The following CAMK1D variants were observed in gnomAD, a reference collection of about 807,000 sequenced individuals.
The protein encoded by CAMK1D is calcium/calmodulin-dependent protein kinase type 1D.
Under a neutral mutation model 47.7 loss-of-function variants are expected in CAMK1D, and 9 were observed. The ratio of observed to expected loss-of-function variants is 0.19; its 90% CI spans 0.11 to 0.33. The LOEUF (loss-of-function observed/expected upper bound fraction) is 0.33. Ranked by LOEUF, CAMK1D falls within the 10% of genes least tolerant of loss-of-function variation. The pLI is 1.00. For missense variants in CAMK1D, 291 were observed against 488.7 expected (o/e 0.60, Z 3.81); for synonymous variants, 184 against 184.9 (o/e 0.99, Z 0.04).
chr10:12,435,221 C>CAAAAAAAAAA (rs910066372), intron 1 of CAMK1D, among the ~76,000 whole-genome samples: 4 of 44,028 alleles, frequency 9.1e-5, no homozygotes, highest in Non-Finnish European at 1.6e-4. Flanking sequence ...AACTCTGTCT[C>CAAAAAAAAAA]AAAAAAAAAA....
intron 1 of CAMK1D, among the ~76,000 whole-genome samples, chr10:12,478,806 C>T (rs140426993): frequency 2.8e-4 from 43 of 152,206 alleles, no homozygotes; most frequent in East Asian, 5.8e-4. Context: ...TCCTTTAAAC[C>T]GCTTCCCTGT....
At chr10:12,724,216 T>C (rs1834518821) in intron 3 of CAMK1D, among the ~76,000 whole-genome samples, 1 of 152,242 alleles carries the variant, frequency 6.6e-6, no homozygotes, top group Admixed American at 6.5e-5. Context: ...TCTCAAACTT[T>C]GACCTCAAGT....
At chr10:12,750,204 G>A (rs373751897) in intron 3 of CAMK1D, among the ~76,000 whole-genome samples, 2 of 152,272 alleles carry the variant, frequency 1.3e-5, no homozygotes, top group South Asian at 2.1e-4. Context: ...GAGTATGTGT[G>A]TTTTGATTAC....
chr10:12,675,117 T>TAAC (rs1840765180), intron 3 of CAMK1D, among the ~76,000 whole-genome samples: 1 of 151,644 alleles, frequency 6.6e-6, no homozygotes, highest in African/African-American at 2.4e-5. Context: ...TTTACAAGTG[T>TAAC]AACAACTTAG....
intron 1 of CAMK1D, among the ~76,000 whole-genome samples, chr10:12,392,792 C>T (rs1297296634): frequency 6.6e-6 from 1 of 152,088 alleles, no homozygotes; most frequent in African/African-American, 2.4e-5. Context: ...ACAAAAGTCT[C>T]CCCAACCCCC....
chr10:12,711,818 A>G (rs1017125242), intron 3 of CAMK1D, among the ~76,000 whole-genome samples: 1 of 152,242 alleles, frequency 6.6e-6, no homozygotes, highest in African/African-American at 2.4e-5. Context: ...GGCAACATTG[A>G]CAGCAGTGAT....
intron 6 of CAMK1D, among the ~76,000 whole-genome samples, chr10:12,812,626 G>GA (rs923224917): frequency 4.6e-4 from 70 of 151,084 alleles, no homozygotes; most frequent in Admixed American, 8.6e-4. Context: ...AAGAAAGAAA[G>GA]AAAAAAAAAG....
chr10:12,377,107 C>G lies in CAMK1D; in HGVS notation c.92+27197C>G, dbSNP rs376722965. On this transcript the variant is annotated intron_variant, in intron 1 of 10. Coordinates refer to ENST00000619168, the MANE Select transcript of CAMK1D (RefSeq NM_153498.4). ...ACATTTTGTTATTGCATGGCTATTT[C>G]TCTCCTGGCAAATGAAGATAATAAT... is the stretch of plus-strand genomic sequence containing the variant. 3.4e-4 allele frequency among the ~76,000 whole-genome samples: 51 copies of G among 152,174 alleles called. No individual in the cohort carries two copies. The East Asian group carries it at 4.2e-3, about 13-fold the overall frequency.
intron 2 of CAMK1D, among the ~76,000 whole-genome samples, chr10:12,630,180 C>G (rs976323946): frequency 2.4e-4 from 37 of 152,114 alleles, no homozygotes; most frequent in Admixed American, 2.2e-3. Context: ...CTGCTTATAA[C>G]CTGGTTACTT....
intron 1 of CAMK1D, among the ~76,000 whole-genome samples, chr10:12,383,909 T>TA (rs1296168039): frequency 1.3e-5 from 2 of 152,140 alleles, no homozygotes; most frequent in African/African-American, 4.8e-5. Context: ...AAGGAAGAAG[T>TA]AAAACGATCT....
chr10:12,532,685 G>T (rs1427972415), intron 1 of CAMK1D, among the ~76,000 whole-genome samples: 1 of 152,190 alleles, frequency 6.6e-6, no homozygotes, highest in East Asian at 1.9e-4. Context: ...AGATTTGGAA[G>T]TAACTTAAGT....
At chr10:12,529,622 C>T (rs1835740150) in intron 1 of CAMK1D, among the ~76,000 whole-genome samples, 1 of 152,132 alleles carries the variant, frequency 6.6e-6, no homozygotes, top group Non-Finnish European at 1.5e-5. Context: ...GTCTGTGAGT[C>T]TGTTTTCTAA....
Position 12,522,864 on chromosome 10 carries a change from GCGGGGGC to G in CAMK1D, c.93-30360_93-30354del, listed in dbSNP as rs1835473985. On this transcript the variant is annotated intron_variant, in intron 1 of 10. Transcript: ENST00000619168. ...CCTCCCGGACAGGGCGGCTGGCCGG[GCGGGGGC>G]TGACCCCCCACCTCCCTCCCGGACG... Among the ~76,000 whole-genome samples the G allele has an allele frequency of 2.2e-5, 2 of 92,088 alleles. 1 individual carries two copies. The highest frequency in any genetic ancestry group is 9.1e-5 in the African/African-American group (2 of 21,944). The allele number at this position is 92,088 out of a possible 152,430, so 60.4% of individuals were successfully genotyped here. A position where few individuals can be genotyped will look rare whatever the true frequency, so the allele number is the denominator to read the frequency against.
At chr10:12,703,289 A>G (rs866354291) in intron 3 of CAMK1D, among the ~76,000 whole-genome samples, 3 of 152,212 alleles carry the variant, frequency 2.0e-5, no homozygotes, top group African/African-American at 7.2e-5. Flanking sequence ...TTGGACCTAC[A>G]CACTCAACCA....
At chr10:12,510,375 C>G (rs1835003930) in intron 1 of CAMK1D, among the ~76,000 whole-genome samples, 1 of 152,040 alleles carries the variant, frequency 6.6e-6, no homozygotes, top group East Asian at 1.9e-4. Context: ...GAGATTGTGC[C>G]ACTGCACTCC....
intron 3 of CAMK1D, among the ~76,000 whole-genome samples, chr10:12,718,074 A>G (rs2130775801): frequency 1.3e-5 from 2 of 152,198 alleles, no homozygotes; most frequent in Middle Eastern, 3.4e-3. Flanking sequence ...TTTTCTAAGT[A>G]GGAGCTTCTC....
intron 3 of CAMK1D, among the ~76,000 whole-genome samples, chr10:12,694,164 G>A (rs181966289): frequency 2.1e-4 from 3 of 14,608 alleles, no homozygotes; most frequent in African/African-American, 6.0e-4. Flanking sequence ...TATATATTAT[G>A]CATAATATAT....
chr10:12,693,521 C>A (rs908735890), intron 3 of CAMK1D, among the ~76,000 whole-genome samples: 1 of 151,664 alleles, frequency 6.6e-6, no homozygotes, highest in African/African-American at 2.4e-5. Context: ...GGTGAGGGGG[C>A]CCTCAGGAGG....
chr10:12,563,702 A>C (rs535670908), intron 2 of CAMK1D, among the ~76,000 whole-genome samples: 1,660 of 150,792 alleles, frequency 0.011, 83 homozygotes, highest in Admixed American at 0.075. Context: ...AGAGAGAGGG[A>C]GAGAGAGGGA....
Sources: allele counts gnomAD v4.1 joint callset (sites outside exome capture counted in the v4.1 genomes callset), GRCh38; gene constraint gnomAD v4.1.1; transcripts MANE v1.5; gene names NCBI Gene and HGNC (gene_info 2026-07-23, HGNC 2026-07-21).